The following BIN2 variants were observed in gnomAD, a reference collection of about 807,000 sequenced individuals.
BIN2 encodes the protein bridging integrator 2.
BIN2 carries 43 observed loss-of-function variants against 67.9 expected under a neutral mutation model. That is an observed-to-expected ratio of 0.63 (90% CI 0.50 to 0.82). The LOEUF (loss-of-function observed/expected upper bound fraction) is 0.82. Ranked by LOEUF, BIN2 falls within the 40% of genes least tolerant of loss-of-function variation. The pLI, the probability that BIN2 is intolerant of heterozygous loss-of-function variation, is 0.00. For missense variants in BIN2, 581 were observed against 671.6 expected (o/e 0.87, Z 1.49); for synonymous variants, 244 against 246.8 (o/e 0.99, Z 0.11).
intron 2 of BIN2, among the ~76,000 whole-genome samples, chr12:51,311,689 G>A (rs773124202): frequency 6.6e-6 from 1 of 152,042 alleles, no homozygotes; most frequent in Non-Finnish European, 1.5e-5. Context: ...CCAAGTAAAT[G>A]TTGTATAGAA....
chr12:51,315,255 C>T (rs1483152004), intron 1 of BIN2, among the ~76,000 whole-genome samples: 3 of 151,906 alleles, frequency 2.0e-5, no homozygotes, highest in African/African-American at 7.3e-5. Flanking sequence ...CTGCAAGCTC[C>T]GCCTCCCGGG....
chr12:51,299,118 T>A, intron 7 of BIN2, 85 bp downstream of exon 7: 6 of 962,936 alleles, frequency 6.2e-6, no homozygotes, highest in Non-Finnish European at 9.6e-6. Flanking sequence ...AATTTAAATC[T>A]AAAACACTTT....
intron 11 of BIN2, 45 bp downstream of exon 11, chr12:51,288,063 A>T (rs1254716737): frequency 3.7e-6 from 5 of 1,362,662 alleles, no homozygotes; most frequent in Non-Finnish European, 5.2e-6. Context: ...TTTAATGTAC[A>T]AAAAAATAGG....
chr12:51,317,468 G>T (rs1946163498), intron 1 of BIN2, among the ~76,000 whole-genome samples: 1 of 151,542 alleles, frequency 6.6e-6, no homozygotes. Context: ...AGGAGTTTGA[G>T]ACCAGCCTGA....
chr12:51,297,834 G>GT (rs1373710906), intron 7 of BIN2, among the ~76,000 whole-genome samples: 5 of 108,816 alleles, frequency 4.6e-5, no homozygotes, highest in Non-Finnish European at 8.7e-5. Context: ...AACTATTACA[G>GT]TAAGTAATTA....
chr12:51,302,736 T>A lies in BIN2; in HGVS notation c.262A>T (p.Ile88Phe), dbSNP rs1945761900. The change falls in exon 4 of 13, where the codon ATC becomes TTC. Residue 88 changes from isoleucine (I) to phenylalanine (F), a missense_variant. By Grantham distance (21) the Ile-to-Phe change is conservative. Coordinates refer to ENST00000615107, the MANE Select transcript of BIN2 (RefSeq NM_016293.4). ...SKRVSETLQE[I>F]YSSEWDGHEE... The stretch of plus-strand genomic sequence containing the variant: ...TGACCGTCCCACTCGCTGCTGTAGA[T>A]CTCCTGCAGGGTTTCTGACACTCTT... The A allele has an allele frequency of 1.9e-6, 3 of 1,614,110 alleles. No homozygotes were observed. Among genetic ancestry groups the A allele is most frequent in the South Asian group, 1.1e-5 (1 of 91,084 alleles).
At chr12:51,296,603 C>T (rs868468252) in intron 8 of BIN2, among the ~76,000 whole-genome samples, 4 of 151,818 alleles carry the variant, frequency 2.6e-5, no homozygotes, top group Admixed American at 2.0e-4. Context: ...GTGAATATAA[C>T]TAATATAAAT....
At chr12:51,299,423 T>C in intron 6 of BIN2, 135 bp from the exon 7 acceptor site, 1 of 1,000,550 alleles carries the variant, frequency 1.0e-6, no homozygotes, top group Non-Finnish European at 1.5e-6. Flanking sequence ...GACCATGCCC[T>C]CCCCAGCCTC....
At chr12:51,317,019 G>A (rs1027661722) in intron 1 of BIN2, among the ~76,000 whole-genome samples, 2 of 151,972 alleles carry the variant, frequency 1.3e-5, no homozygotes, top group African/African-American at 4.8e-5. Flanking sequence ...TGGGATTACA[G>A]GCATGTGCCA....
intron 10 of BIN2, among the ~76,000 whole-genome samples, chr12:51,289,672 A>G (rs1190730598): frequency 6.6e-6 from 1 of 152,006 alleles, no homozygotes; most frequent in East Asian, 1.9e-4. Flanking sequence ...TCACAGAACT[A>G]GTTGCTCTTC....
At chr12:51,297,384 T>C (rs901243689) in intron 7 of BIN2, 8 of 359,356 alleles carry the variant, frequency 2.2e-5, no homozygotes, top group Admixed American at 1.9e-4. Context: ...CTGGCTAACA[T>C]GGTAAAACCC....
chr12:51,281,499 T>C lies in BIN2; in HGVS notation c.1698A>G (p.Ter566TrpextTer44), dbSNP rs548790714. ...CAGGAGGAGTCTTGGTAGTTTCTCTTCAGAGTTGTGGATTTTCACTTGTGG... is the reference window on the plus strand; with the variant it reads ...CAGGAGGAGTCTTGGTAGTTTCTCTCCAGAGTTGTGGATTTTCACTTGTGG... ...EVSTSENPQL[*>W] is the part of the protein sequence containing the mutation. Residue 566 changes from the stop codon to tryptophan (W), a stop_lost, in exon 13 of 13, where the codon TGA (stop) becomes TGG (tryptophan). Coordinates refer to ENST00000615107, the MANE Select transcript of BIN2 (RefSeq NM_016293.4). The C allele has an allele frequency of 6.2e-7, 1 of 1,614,072 alleles. No homozygotes were observed. Among genetic ancestry groups the C allele is most frequent in the East Asian group, 2.2e-5 (1 of 44,876 alleles).
Position 51,284,723 on chromosome 12 carries a change from TGAGGTTCA to T in BIN2, c.1653_1660del (p.Glu552ArgfsTer7). The T allele has an allele frequency of 1.9e-6, 3 of 1,608,474 alleles. No individual in the cohort carries two copies. The South Asian group carries it at 3.3e-5, about 18-fold the overall frequency. The stretch of plus-strand genomic sequence containing the variant: ...CTGTATATCTGGTCTTACCTCTTCT[TGAGGTTCA>T]GGTGCTGTGAGGTTGTTGTTTTCTG... On this transcript the variant is annotated frameshift_variant, in exon 12 of 13. Coordinates refer to ENST00000615107, the MANE Select transcript of BIN2 (RefSeq NM_016293.4). LOFTEE classifies it high-confidence loss of function.
At chr12:51,287,217 C>T (rs750759092) in intron 11 of BIN2, among the ~76,000 whole-genome samples, 10 of 151,996 alleles carry the variant, frequency 6.6e-5, no homozygotes, top group Non-Finnish European at 1.5e-4. Context: ...CAGGTGTGAT[C>T]GTAGCATACT....
At position 51,293,604 on chromosome 12, in the gene BIN2, G is replaced by T. The variant is rs553570282; in HGVS notation, c.762-1260C>A. Among the ~76,000 whole-genome samples, 337 of 152,300 alleles carry T rather than the reference G, an allele frequency of 2.2e-3. 1 individual carries two copies. The highest frequency in any genetic ancestry group is 7.9e-3 in the African/African-American group (330 of 41,566). ...TGGGATTACAGGCGTGAGCCATCGT[G>T]CCTGGCACAAAAACTTACATAGATC... On this transcript the variant is annotated intron_variant, in intron 9 of 12. Transcript: ENST00000615107.
intron 2 of BIN2, among the ~76,000 whole-genome samples, chr12:51,305,363 C>T (rs1284355182): frequency 3.3e-5 from 5 of 151,812 alleles, no homozygotes; most frequent in East Asian, 1.9e-4. Context: ...CAGTGGCTCA[C>T]GCCTGTAATC....
chr12:51,307,221 T>TA (rs1945888858), intron 2 of BIN2, among the ~76,000 whole-genome samples: 1 of 146,664 alleles, frequency 6.8e-6, no homozygotes, highest in Admixed American at 6.9e-5. Context: ...AGGTGGAGGT[T>TA]ACAGTGAGCT....
chr12:51,297,189 A>G (rs746630657), intron 7 of BIN2, 25 bp from the exon 8 acceptor site: 5 of 1,593,152 alleles, frequency 3.1e-6, no homozygotes, highest in Non-Finnish European at 4.3e-6. Context: ...AACCACAAAC[A>G]CATACGAGTA....
chr12:51,317,613 C>T (rs544952750), intron 1 of BIN2, among the ~76,000 whole-genome samples: 68 of 151,800 alleles, frequency 4.5e-4, no homozygotes, highest in African/African-American at 4.8e-4. Flanking sequence ...GCCAAGATTG[C>T]GCCATTGCAC....
Sources: allele counts gnomAD v4.1 joint callset (sites outside exome capture counted in the v4.1 genomes callset), GRCh38; gene constraint gnomAD v4.1.1; transcripts MANE v1.5; gene names NCBI Gene and HGNC (gene_info 2026-07-23, HGNC 2026-07-21).